FARS2: variants seen among roughly 807,000 people sequenced by gnomAD.
The protein encoded by FARS2 is phenylalanine--tRNA ligase, mitochondrial.
Under a neutral mutation model 46.4 loss-of-function variants are expected in FARS2, and 40 were observed. The observed-to-expected ratio is 0.86, with a 90% CI of 0.67 to 1.12. The LOEUF (loss-of-function observed/expected upper bound fraction) is 1.12, where lower values mean the gene tolerates loss of function less well. Among genes scored for constraint, FARS2 ranks in the 50% most tolerant of loss-of-function variants. The probability of loss-of-function intolerance (pLI) is 0.00; values close to 1 mark genes in which losing one functional copy is unlikely to be tolerated. For synonymous variants in FARS2, 234 were observed against 214.9 expected (o/e 1.09, Z -0.78); for missense variants, 513 against 567.9 (o/e 0.90, Z 0.98).
chr6:5,338,583 A>G (rs1448121500), intron 1 of FARS2, among the ~76,000 whole-genome samples: 5 of 46,432 alleles, frequency 1.1e-4, no homozygotes, highest in Non-Finnish European at 2.3e-4. Flanking sequence ...CCACCCACCC[A>G]ACCCACCTGC....
At chr6:5,570,298 AAGAGACG>A (rs1772566096) in intron 5 of FARS2, among the ~76,000 whole-genome samples, 1 of 152,216 alleles carries the variant, frequency 6.6e-6, no homozygotes, top group South Asian at 2.1e-4. Flanking sequence ...AGGAAATGAG[AAGAGACG>A]ATGATATTGA....
intron 4 of FARS2, among the ~76,000 whole-genome samples, chr6:5,450,814 T>C (rs1698685087): frequency 6.6e-6 from 1 of 152,004 alleles, no homozygotes; most frequent in Non-Finnish European, 1.5e-5. Flanking sequence ...AGGGTTTCCC[T>C]CCTCCAGTCT....
upstream of FARS2, chr6:5,260,591 C>A (rs933764485): frequency 8.2e-7 from 1 of 1,224,856 alleles, no homozygotes; most frequent in Non-Finnish European, 1.1e-6. Context: ...TCAGCCCGCA[C>A]CCCCGGTCCC....
At chr6:5,446,143 C>T (rs1764174317) in intron 4 of FARS2, among the ~76,000 whole-genome samples, 1 of 151,230 alleles carries the variant, frequency 6.6e-6, no homozygotes, top group Non-Finnish European at 1.5e-5. Context: ...ATGGAGCTTG[C>T]AGTGAGCTGA....
At position 5,769,007 on chromosome 6, in the gene FARS2, A is replaced by T. The variant is rs76363880; in HGVS notation, c.1218-2284A>T. Among the ~76,000 whole-genome samples, 608 of 152,126 alleles carry T rather than the reference A, an allele frequency of 4.0e-3. 2 individuals carry two copies. The highest frequency in any genetic ancestry group is 0.013 in the African/African-American group (556 of 41,508). Reference sequence around the variant, plus strand: ...GAATTCCAAGTTTATCATTTTTTTTAATTTTTTCACCTGTGCTTTTGGTGT... The same window carrying T: ...GAATTCCAAGTTTATCATTTTTTTTTATTTTTTCACCTGTGCTTTTGGTGT... On this transcript the variant is annotated intron_variant, in intron 6 of 6. Transcript: ENST00000274680.
intron 1 of FARS2, among the ~76,000 whole-genome samples, chr6:5,359,222 T>C (rs1334712858): frequency 1.3e-5 from 2 of 151,922 alleles, no homozygotes; most frequent in Non-Finnish European, 2.9e-5. Context: ...GTATTTTTAG[T>C]ACCGGCGGGG....
At chr6:5,320,986 C>G (rs1769928557) in intron 1 of FARS2, among the ~76,000 whole-genome samples, 1 of 152,154 alleles carries the variant, frequency 6.6e-6, no homozygotes. Context: ...CAGCAGGAAG[C>G]TGGCTGAATT....
chr6:5,409,335 C>T (rs1462388357), intron 3 of FARS2, among the ~76,000 whole-genome samples: 4 of 151,978 alleles, frequency 2.6e-5, no homozygotes, highest in South Asian at 2.1e-4. Flanking sequence ...CCTGTAGTCC[C>T]GGCTACTCAG....
intron 4 of FARS2, among the ~76,000 whole-genome samples, chr6:5,477,515 G>A (rs924107931): frequency 4.6e-5 from 7 of 152,104 alleles, no homozygotes; most frequent in African/African-American, 9.7e-5. Context: ...GTCTCACTGC[G>A]GCATCTCCAG....
chr6:5,298,862 CAAAAAAA>C (rs771852149), intron 1 of FARS2, among the ~76,000 whole-genome samples: 1 of 74,740 alleles, frequency 1.3e-5, no homozygotes, highest in Non-Finnish European at 3.0e-5. Flanking sequence ...AACTCCATCT[CAAAAAAA>C]AAAAAAAAAA....
chr6:5,546,468 T>C (rs1265209543), intron 5 of FARS2, among the ~76,000 whole-genome samples: 2 of 151,708 alleles, frequency 1.3e-5, no homozygotes, highest in Non-Finnish European at 2.9e-5. Context: ...GCCAGGCTGG[T>C]CTCAAACTCC....
chr6:5,472,470 A>G (rs1378352026), intron 4 of FARS2, among the ~76,000 whole-genome samples: 1 of 152,202 alleles, frequency 6.6e-6, no homozygotes, highest in Non-Finnish European at 1.5e-5. Context: ...AGCAGGAGAG[A>G]ATAATGCTGC....
intron 1 of FARS2, among the ~76,000 whole-genome samples, chr6:5,299,285 C>A (rs779785826): frequency 1.3e-4 from 20 of 152,168 alleles, no homozygotes; most frequent in Non-Finnish European, 2.9e-4. Context: ...AGTTATAATG[C>A]TTCCTACACT....
At chr6:5,383,545 A>T (rs1480331661) in intron 2 of FARS2, among the ~76,000 whole-genome samples, 1 of 143,966 alleles carries the variant, frequency 6.9e-6, no homozygotes, top group East Asian at 2.2e-4. Flanking sequence ...TTCAGCGTCC[A>T]TAACTAAAAT....
At position 5,745,583 on chromosome 6, in the gene FARS2, G is replaced by C. The variant is rs181889767; in HGVS notation, c.1218-25708G>C. Among the ~76,000 whole-genome samples the C allele has an allele frequency of 2.5e-3, 388 of 152,274 alleles. 2 individuals carry two copies. Among genetic ancestry groups the C allele is most frequent in the African/African-American group, 7.4e-3 (308 of 41,562 alleles). ...AGACAGGGTCTCACTCTGTCACCCAGGCTGGAGTGCCACTGCATGATCTTG... is the reference window on the plus strand; with the variant it reads ...AGACAGGGTCTCACTCTGTCACCCACGCTGGAGTGCCACTGCATGATCTTG... On this transcript the variant is annotated intron_variant, in intron 6 of 6. Coordinates refer to ENST00000274680, the MANE Select transcript of FARS2 (RefSeq NM_006567.5).
intron 4 of FARS2, among the ~76,000 whole-genome samples, chr6:5,530,147 C>T (rs913491870): frequency 1.3e-4 from 20 of 152,132 alleles, no homozygotes; most frequent in African/African-American, 4.6e-4. Flanking sequence ...AATAAGTAAG[C>T]ATCGGGGTCT....
chr6:5,664,553 A>G (rs1431296497), intron 6 of FARS2, among the ~76,000 whole-genome samples: 1 of 152,220 alleles, frequency 6.6e-6, no homozygotes, highest in Non-Finnish European at 1.5e-5. Context: ...TTTTAAATGA[A>G]TAATTAATCC....
chr6:5,518,636 C>T (rs367940069), intron 4 of FARS2, among the ~76,000 whole-genome samples: 3 of 151,918 alleles, frequency 2.0e-5, no homozygotes, highest in African/African-American at 7.2e-5. Flanking sequence ...ATTTAAAAAC[C>T]CATCATTGAT....
intron 5 of FARS2, among the ~76,000 whole-genome samples, chr6:5,601,072 T>G (rs1290770357): frequency 6.6e-6 from 1 of 152,126 alleles, no homozygotes; most frequent in African/African-American, 2.4e-5. Flanking sequence ...AAAGCCGCCA[T>G]CTCTAAACCA....
Sources: allele counts gnomAD v4.1 joint callset (sites outside exome capture counted in the v4.1 genomes callset), GRCh38; gene constraint gnomAD v4.1.1; transcripts MANE v1.5; gene names NCBI Gene and HGNC (gene_info 2026-07-23, HGNC 2026-07-21).